The following EGFLAM variants were observed in gnomAD, a reference collection of about 807,000 sequenced individuals.
EGFLAM encodes the protein pikachurin.
In EGFLAM, 79 loss-of-function variants were observed where a neutral mutation model predicts 113.1. The observed-to-expected ratio is 0.70, with a 90% confidence interval of 0.58 to 0.84. The LOEUF is 0.84. Among genes scored for constraint, EGFLAM ranks in the 40% least tolerant of loss-of-function variants. The pLI is 0.00. For missense variants in EGFLAM, 1,265 were observed against 1,291.6 expected (o/e 0.98, Z 0.32); for synonymous variants, 504 against 487.6 (o/e 1.03, Z -0.44).
At chr5:38,268,984 C>T in intron 1 of EGFLAM, among the ~76,000 whole-genome samples, 1 of 152,118 alleles carries the variant, frequency 6.6e-6, no homozygotes, top group East Asian at 1.9e-4. Flanking sequence ...TGAGACCAGC[C>T]TGGGCAACAT....
rs1387997551 is a variant in EGFLAM, at chr5:38,416,760, A to G, written c.1495-1306A>G. ...TCTTGGTGAAAGAAGCCAAGAGGAC[A>G]TTTAACTCATCTAATGAAAGCAGCA... On this transcript the variant is annotated intron_variant, in intron 11 of 21. Transcript: ENST00000322350. 3.3e-5 allele frequency among the ~76,000 whole-genome samples: 5 copies of G among 152,324 alleles called. No homozygotes were observed. The East Asian group carries it at 9.7e-4, about 29-fold the overall frequency.
Position 38,406,148 on chromosome 5 carries a change from C to T in EGFLAM, c.735C>T (p.Gly245=), listed in dbSNP as rs1741277377. 3 of 1,614,092 alleles carry T rather than the reference C, an allele frequency of 1.9e-6. No individual in the cohort carries two copies. The highest frequency in any genetic ancestry group is 2.5e-6 in the Non-Finnish European group (3 of 1,179,994). ...RTLCPEEAGS[G]RYGPRYITDM... is the part of the protein sequence containing the mutation. Reference sequence around the variant, plus strand: ...AAGGCCCTGAGGAGGCGGGAAGTGGCCGCTATGGACCCCGTTATATCACCG... The same window carrying T: ...AAGGCCCTGAGGAGGCGGGAAGTGGTCGCTATGGACCCCGTTATATCACCG... The change falls in exon 7 of 22, where the codon GGC becomes GGT. Residue 245 remains glycine (G), a synonymous_variant. Coordinates refer to ENST00000322350, the MANE Select transcript of EGFLAM (RefSeq NM_152403.4).
chr5:38,350,358 T>C, intron 3 of EGFLAM, 143 bp from the exon 4 acceptor site: 1 of 750,838 alleles, frequency 1.3e-6, no homozygotes. Context: ...AGTTTAAAAC[T>C]GGGCCAGTCC....
At chr5:38,404,073 C>A (rs916210873) in intron 6 of EGFLAM, among the ~76,000 whole-genome samples, 1 of 152,162 alleles carries the variant, frequency 6.6e-6, no homozygotes, top group African/African-American at 2.4e-5. Context: ...TCATCTGCAT[C>A]ATCTGCTGAC....
At chr5:38,412,474 A>G in intron 10 of EGFLAM, 30 bp from the exon 11 acceptor site, 1 of 1,614,002 alleles carries the variant, frequency 6.2e-7, no homozygotes. Flanking sequence ...GTTCGTCAAG[A>G]AATCTTCTTT....
chr5:38,400,843 C>G (rs749843543), intron 6 of EGFLAM, among the ~76,000 whole-genome samples: 1 of 152,094 alleles, frequency 6.6e-6, no homozygotes, highest in Non-Finnish European at 1.5e-5. Context: ...ATTCTTTGAG[C>G]CTTAGTTGAC....
At chr5:38,287,907 G>A (rs1027654647) in intron 1 of EGFLAM, among the ~76,000 whole-genome samples, 6 of 152,168 alleles carry the variant, frequency 3.9e-5, no homozygotes, top group African/African-American at 1.4e-4. Context: ...CCATATGCCA[G>A]GTATTGTGCT....
At chr5:38,433,602 G>C (rs139308704) in intron 15 of EGFLAM, among the ~76,000 whole-genome samples, 12 of 152,220 alleles carry the variant, frequency 7.9e-5, no homozygotes, top group Admixed American at 2.0e-4. Flanking sequence ...CTCACTCCAC[G>C]AGGCCCCGCT....
intron 6 of EGFLAM, among the ~76,000 whole-genome samples, chr5:38,375,228 C>T (rs768449182): frequency 5.3e-5 from 8 of 152,134 alleles, no homozygotes; most frequent in South Asian, 2.1e-4. Context: ...CCGTATATTT[C>T]GGTATAGCCC....
At chr5:38,388,075 A>C (rs1459571833) in intron 6 of EGFLAM, among the ~76,000 whole-genome samples, 1 of 152,244 alleles carries the variant, frequency 6.6e-6, no homozygotes, top group African/African-American at 2.4e-5. Context: ...GAGTTTACTC[A>C]AGAGATTTGA....
At chr5:38,427,470 T>A in intron 14 of EGFLAM, 1 of 643,158 alleles carries the variant, frequency 1.6e-6, no homozygotes, top group Non-Finnish European at 2.5e-6. Flanking sequence ...CTCAAATAAC[T>A]ACCCAACAGG....
intron 12 of EGFLAM, among the ~76,000 whole-genome samples, chr5:38,418,974 AT>A (rs1165098004): frequency 1.3e-5 from 2 of 152,248 alleles, no homozygotes; most frequent in East Asian, 3.9e-4. Context: ...TCAGAAATTA[AT>A]TTTCTCACAG....
At chr5:38,439,011 G>A (rs1742447296) in intron 17 of EGFLAM, among the ~76,000 whole-genome samples, 1 of 152,090 alleles carries the variant, frequency 6.6e-6, no homozygotes, top group South Asian at 2.1e-4. Flanking sequence ...CTGTAAAATG[G>A]GAATAATAAT....
At chr5:38,409,654 G>A (rs1741409232) in intron 10 of EGFLAM, among the ~76,000 whole-genome samples, 1 of 152,204 alleles carries the variant, frequency 6.6e-6, no homozygotes, top group Admixed American at 6.5e-5. Flanking sequence ...TCTAGTGGAT[G>A]TGATGGGAAG....
chr5:38,281,595 T>C (rs1758022793), intron 1 of EGFLAM, among the ~76,000 whole-genome samples: 1 of 152,198 alleles, frequency 6.6e-6, no homozygotes, highest in African/African-American at 2.4e-5. Context: ...TTGTACCTGA[T>C]GGTAATAGCC....
At chr5:38,280,831 T>C (rs1042021287) in intron 1 of EGFLAM, among the ~76,000 whole-genome samples, 2 of 152,232 alleles carry the variant, frequency 1.3e-5, no homozygotes, top group African/African-American at 4.8e-5. Context: ...TGCCTATTTA[T>C]ATGTTCCTCC....
At chr5:38,291,599 G>T (rs1333580000) in intron 1 of EGFLAM, among the ~76,000 whole-genome samples, 1 of 152,206 alleles carries the variant, frequency 6.6e-6, no homozygotes, top group Non-Finnish European at 1.5e-5. Context: ...ATTAGAAATA[G>T]AAGTGGAATG....
chr5:38,326,713 C>T (rs1460468234), intron 1 of EGFLAM, among the ~76,000 whole-genome samples: 2 of 151,312 alleles, frequency 1.3e-5, no homozygotes, highest in African/African-American at 2.4e-5. Context: ...AGGATGGTCT[C>T]GATCTCCTGA....
intron 6 of EGFLAM, among the ~76,000 whole-genome samples, chr5:38,386,056 C>T (rs1292985568): frequency 1.3e-5 from 2 of 152,168 alleles, no homozygotes; most frequent in Admixed American, 1.3e-4. Flanking sequence ...TACAGTCAAA[C>T]TATGGTATTA....
Sources: allele counts gnomAD v4.1 joint callset (sites outside exome capture counted in the v4.1 genomes callset), GRCh38; gene constraint gnomAD v4.1.1; transcripts MANE v1.5; gene names NCBI Gene and HGNC (gene_info 2026-07-23, HGNC 2026-07-21).